The following PRR5 variants were observed in gnomAD, a reference collection of about 807,000 sequenced individuals.
PRR5 encodes proline rich 5, also known as proline-rich protein 5.
A neutral mutation model predicts 30.6 loss-of-function variants in PRR5; 25 were observed. The observed-to-expected ratio is 0.82, with a 90% CI of 0.60 to 1.14. The LOEUF is 1.14. Ranked by LOEUF, PRR5 falls within the 50% of genes most tolerant of loss-of-function variation. PRR5 has a pLI of 0.00. For missense variants in PRR5, 600 were observed against 547.1 expected (o/e 1.10, Z -0.96); for synonymous variants, 286 against 247.1 (o/e 1.16, Z -1.48).
At chr22:44,671,490 G>A (rs1923424617) in intron 1 of PRR5, among the ~76,000 whole-genome samples, 1 of 152,106 alleles carries the variant, frequency 6.6e-6, no homozygotes, top group Non-Finnish European at 1.5e-5. Context: ...AGCAGCCCTG[G>A]TGCTGCTGCT....
intron 6 of PRR5, 106 bp from the exon 7 acceptor site, chr22:44,734,920 CG>C (rs1178348569): frequency 8.5e-6 from 12 of 1,404,504 alleles, no homozygotes; most frequent in Non-Finnish European, 1.1e-5. Flanking sequence ...AATGGGGAGG[CG>C]GGAGGCAGAG....
At chr22:44,731,564 C>T in intron 4 of PRR5, 166 bp from the exon 5 acceptor site, 1 of 663,192 alleles carries the variant, frequency 1.5e-6, no homozygotes, top group African/African-American at 1.8e-5. Context: ...GGCCCAGGGC[C>T]ATAGAACAGC....
chr22:44,737,480 GC>G lies in PRR5; in HGVS notation c.*235del. Reference sequence around the variant, plus strand: ...GAGTCGGCGTTTACCCAGGGGCCGGGCCAGAGACGGGGGTCGGCCGCTCGCT... The same window carrying G: ...GAGTCGGCGTTTACCCAGGGGCCGGGCAGAGACGGGGGTCGGCCGCTCGCT... On this transcript the variant is annotated 3_prime_UTR_variant, in exon 8 of 8. Coordinates refer to ENST00000336985, the MANE Select transcript of PRR5 (RefSeq NM_181333.4). The G allele has an allele frequency of 1.2e-6, 1 of 852,062 alleles. No homozygotes were observed. Among genetic ancestry groups the G allele is most frequent in the Middle Eastern group, 3.9e-4 (1 of 2,588 alleles). The allele number at this position is 852,062 out of a possible 1,614,324, so 52.8% of individuals were successfully genotyped here. A position where few individuals can be genotyped will look rare whatever the true frequency, so the allele number is the denominator to read the frequency against.
rs1027442030 is a variant in PRR5, at chr22:44,732,281, C to T, written c.445C>T (p.Leu149=). The T allele has an allele frequency of 5.0e-6, 8 of 1,611,974 alleles. No homozygotes were observed. Among genetic ancestry groups the T allele is most frequent in the Non-Finnish European group, 6.8e-6 (8 of 1,179,962 alleles). Residue 149 remains leucine (L), a synonymous_variant, in exon 6 of 8, where the codon CTG becomes TTG. Transcript: ENST00000336985. ...GGAGCCATCGGTGCGCCAGCTGGCCCTGCTGCACTTCCGGAATGCCATCAC... is the reference window on the plus strand; with the variant it reads ...GGAGCCATCGGTGCGCCAGCTGGCCTTGCTGCACTTCCGGAATGCCATCAC... ...GKEPSVRQLA[L]LHFRNAITLS... is the part of the protein sequence containing the mutation.
chr22:44,669,535 G>T (rs565234825), intron 1 of PRR5, among the ~76,000 whole-genome samples: 1 of 152,350 alleles, frequency 6.6e-6, no homozygotes, highest in South Asian at 2.1e-4. Context: ...GGGCAGGTCT[G>T]CCTGGCCACG....
chr22:44,692,229 C>T (rs1925310075), intron 1 of PRR5, among the ~76,000 whole-genome samples: 1 of 144,726 alleles, frequency 6.9e-6, no homozygotes, highest in East Asian at 2.2e-4. Flanking sequence ...GGCTCCTCCA[C>T]CTGGCGCTCC....
chr22:44,731,774 T>G lies in PRR5; in HGVS notation c.367T>G (p.Phe123Val). The G allele has an allele frequency of 6.2e-7, 1 of 1,613,762 alleles. No individual in the cohort carries two copies. Among genetic ancestry groups the G allele is most frequent in the African/African-American group, 1.3e-5 (1 of 75,058 alleles). ...ACTGGCAGAGACCTGGGACTTCTTC[T>G]TCAGTGACGTGCTGCCCATGCTGCA... ...DSLAETWDFFFSDVLPMLQAI... is the reference protein window; with the variant it reads ...DSLAETWDFFVSDVLPMLQAI... The change falls in exon 5 of 8, where the codon TTC (phenylalanine) becomes GTC (valine). Residue 123 changes from phenylalanine to valine, a missense_variant. Transcript: ENST00000336985.
Position 44,726,596 on chromosome 22 carries a change from G to T in PRR5, c.284G>T (p.Gly95Val), listed in dbSNP as rs756354555. The T allele has an allele frequency of 6.2e-7, 1 of 1,614,130 alleles. No individual in the cohort carries two copies. Among genetic ancestry groups the T allele is most frequent in the Non-Finnish European group, 8.5e-7 (1 of 1,180,034 alleles). ...EYLQNQLLTK[G>V]MVILRDKIRF... ...CTTCAGAACCAGCTGCTGACAAAAG[G>T]CATGGTGATCCTTCGGGACAAGATT... The change falls in exon 4 of 8, where the codon GGC (glycine) becomes GTC (valine). Residue 95 changes from glycine (G) to valine (V), a missense_variant. By Grantham distance (109) the Gly-to-Val change is moderately radical. Coordinates refer to ENST00000336985, the MANE Select transcript of PRR5 (RefSeq NM_181333.4).
chr22:44,702,655 AG>A, intron 1 of PRR5, 47 bp downstream of exon 1: 2 of 1,261,602 alleles, frequency 1.6e-6, no homozygotes, highest in South Asian at 2.7e-5. Flanking sequence ...GAGCCGGGGG[AG>A]GGGACCCCTG....
intron 1 of PRR5, among the ~76,000 whole-genome samples, chr22:44,686,035 C>A (rs138844380): frequency 1.1e-4 from 16 of 152,142 alleles, no homozygotes; most frequent in African/African-American, 3.9e-4. Flanking sequence ...CAGGCAAATC[C>A]CCTGAGGTCA....
At position 44,737,581 on chromosome 22, in the gene PRR5, C is replaced by T. The variant is rs1046572582; in HGVS notation, c.*334C>T. The stretch of plus-strand genomic sequence containing the variant: ...GAATGTAAACCCAGTGGGCTCTGCC[C>T]ACGCCGGGCCCCAAAGTGACCAGAC... On this transcript the variant is annotated 3_prime_UTR_variant, in exon 8 of 8. Coordinates refer to ENST00000336985, the MANE Select transcript of PRR5 (RefSeq NM_181333.4). 6.9e-6 allele frequency: 2 copies of T among 290,236 alleles called. No individual in the cohort carries two copies. The highest frequency in any genetic ancestry group is 2.1e-5 in the African/African-American group (1 of 47,154). 18.0% of individuals were successfully genotyped at this position (290,236 alleles called of 1,614,324 possible).
At chr22:44,687,664 C>G (rs956968648) in intron 1 of PRR5, among the ~76,000 whole-genome samples, 2 of 152,218 alleles carry the variant, frequency 1.3e-5, no homozygotes, top group African/African-American at 4.8e-5. Flanking sequence ...CAGCATCCTG[C>G]TTGCTCCGCG....
rs1281273455 is a variant in PRR5, at chr22:44,736,658, G to T, written c.692-114G>T. ...CCTGCTGAGCCGGGCCCCGGGTCGG[G>T]CCTTCCCTGCAGCTGCCCCTGCACA... On this transcript the variant is annotated intron_variant, in intron 7 of 7. Transcript: ENST00000336985. The T allele has an allele frequency of 7.5e-6, 11 of 1,460,278 alleles. No individual in the cohort carries two copies. In the East Asian group the frequency reaches 2.3e-4, roughly 31 times the overall value. 90.5% of individuals were successfully genotyped at this position (1,460,278 alleles called of 1,614,324 possible).
At chr22:44,710,311 C>T (rs1297681443) in intron 1 of PRR5, among the ~76,000 whole-genome samples, 1 of 152,092 alleles carries the variant, frequency 6.6e-6, no homozygotes, top group African/African-American at 2.4e-5. Context: ...TCAGGAGGGG[C>T]TGGCCCCCCT....
chr22:44,691,751 G>A lies in PRR5; in HGVS notation c.-10-10741G>A, dbSNP rs1440069225. Among the ~76,000 whole-genome samples, 3 of 151,992 alleles carry A rather than the reference G, an allele frequency of 2.0e-5. No homozygotes were observed. Among genetic ancestry groups the A allele is most frequent in the Middle Eastern group, 3.2e-3 (1 of 316 alleles). On this transcript the variant is annotated intron_variant, in intron 1 of 8. Coordinates refer to the PRR5 transcript ENST00000006251. The surrounding 1 kb of genome is among the most constrained non-coding windows in gnomAD (Gnocchi z 4.4). Reference sequence around the variant, plus strand: ...ATTGCACCACTGCATTCCAGCCTGCGCGACGGGAGCAAGACTCCATCTCAA... The same window carrying A: ...ATTGCACCACTGCATTCCAGCCTGCACGACGGGAGCAAGACTCCATCTCAA...
intron 6 of PRR5, among the ~76,000 whole-genome samples, chr22:44,733,679 A>T (rs991893085): frequency 6.6e-6 from 1 of 152,148 alleles, no homozygotes; most frequent in Non-Finnish European, 1.5e-5. Flanking sequence ...GGACTTGGTC[A>T]TTCACAACCA....
intron 1 of PRR5, among the ~76,000 whole-genome samples, chr22:44,710,997 T>C (rs1221540357): frequency 4.6e-5 from 7 of 151,134 alleles, no homozygotes; most frequent in African/African-American, 1.7e-4. Context: ...GATTAGGTGG[T>C]AACTCGGCCG....
Position 44,732,356 on chromosome 22 carries a change from C to CT in PRR5, c.520_521insT (p.Pro174LeufsTer16). On this transcript the variant is annotated frameshift_variant, in exon 6 of 8. Transcript: ENST00000336985. LOFTEE classifies it high-confidence loss of function. Reference sequence around the variant, plus strand: ...GCTGGCCCGGGCCCATGCCCGTGTGCCCCCTGCCATCGTGCAGATGCTGCT... The same window carrying CT: ...GCTGGCCCGGGCCCATGCCCGTGTGCTCCCCTGCCATCGTGCAGATGCTGCT... 1.2e-6 allele frequency: 2 copies of CT among 1,611,054 alleles called. No individual in the cohort carries two copies. Among genetic ancestry groups the CT allele is most frequent in the Non-Finnish European group, 1.7e-6 (2 of 1,179,618 alleles).
At chr22:44,720,163 G>A (rs1467163466) in intron 2 of PRR5, among the ~76,000 whole-genome samples, 2 of 152,242 alleles carry the variant, frequency 1.3e-5, no homozygotes, top group Non-Finnish European at 1.5e-5. Context: ...CACTGTCAGG[G>A]AGCCCGTGCT....
Sources: gnomAD v4.1 joint callset for allele counts (sites outside exome capture counted in the v4.1 genomes callset) on GRCh38, gnomAD v4.1.1 for gene constraint, Gnocchi (gnomAD v3.1) non-coding constraint, MANE v1.5 for transcripts, NCBI Gene and HGNC (gene_info 2026-07-23, HGNC 2026-07-21) for gene names.